Variants in AHR observed in about 807,000 individuals in gnomAD.
The protein encoded by AHR is AH-receptor.
Under a neutral mutation model 86.8 loss-of-function variants are expected in AHR, and 40 were observed. The observed-to-expected ratio is 0.46, with a 90% CI of 0.36 to 0.60. The LOEUF is 0.60. Ranked by LOEUF, AHR falls within the 20% of genes least tolerant of loss-of-function variation. The probability of loss-of-function intolerance (pLI) is 0.00; values close to 1 mark genes in which losing one functional copy is unlikely to be tolerated. For synonymous variants in AHR, 398 were observed against 354.9 expected (o/e 1.12, Z -1.37); for missense variants, 1,001 against 1,011.6 (o/e 0.99, Z 0.14).
At chr7:17,326,424 T>A (rs1048661625) in intron 3 of AHR, among the ~76,000 whole-genome samples, 10 of 152,186 alleles carry the variant, frequency 6.6e-5, no homozygotes, top group African/African-American at 2.4e-4. Context: ...TTGTTAACTC[T>A]TAAATCCCAG....
chr7:17,333,173 A>G (rs1782318486), intron 6 of AHR, among the ~76,000 whole-genome samples: 1 of 151,932 alleles, frequency 6.6e-6, no homozygotes, highest in Non-Finnish European at 1.5e-5. Context: ...GAAATTGCCT[A>G]AGGACACATT....
In AHR at chr7:17,344,835, G is replaced by T. The variant is rs2115373103; in HGVS notation, c.*1771G>T. ...AGTAGAAACGGGTTTCACCATGTTG[G>T]CCAGACTGGTCTCAAACTCCTGACC... On this transcript the variant is annotated 3_prime_UTR_variant, in exon 11 of 11. Transcript: ENST00000242057. 6.6e-6 allele frequency: 1 copy of T among 151,518 alleles called. No homozygotes were observed. Among genetic ancestry groups the T allele is most frequent in the African/African-American group, 2.4e-5 (1 of 41,376 alleles). 9.4% of individuals were successfully genotyped at this position (151,518 alleles called of 1,614,324 possible).
At chr7:17,335,536 G>A in intron 8 of AHR, 109 bp from the exon 9 acceptor site, 5 of 866,876 alleles carry the variant, frequency 5.8e-6, no homozygotes, top group Middle Eastern at 3.6e-4. Flanking sequence ...TTGTCTTTGG[G>A]GATAAAGGAA....
In AHR at chr7:17,330,802, G is replaced by C. The variant is rs970407246; in HGVS notation, c.621G>C (p.Gln207His). 3 of 1,612,298 alleles carry C rather than the reference G, an allele frequency of 1.9e-6. No individual in the cohort carries two copies. In the South Asian group the frequency reaches 3.3e-5, roughly 18 times the overall value. The part of the protein sequence containing the change: ...PQTVVCYNPD[Q>H]IPPENSPLME... ...CAGTAGTCTGTTATAACCCAGACCA[G>C]ATTCCTCCAGAAAACTCTCCTTTAA... The change falls in exon 6 of 11, where the codon CAG becomes CAC. Residue 207 changes from glutamine (Q) to histidine (H), a missense_variant. Coordinates refer to ENST00000242057, the MANE Select transcript of AHR (RefSeq NM_001621.5).
Position 17,330,023 on chromosome 7 carries a change from A to G in AHR, c.522A>G (p.Leu174=). ...ACCGAGCTGAATTTCAGCGTCAGCT[A>G]CACTGGGCATTAAATCCTTCTCAGT... ...TEDRAEFQRQ[L]HWALNPSQCT... is the part of the protein sequence containing the mutation. The change falls in exon 5 of 11, where the codon CTA becomes CTG. Residue 174 remains leucine (L), a synonymous_variant. Coordinates refer to ENST00000242057, the MANE Select transcript of AHR (RefSeq NM_001621.5). 6.2e-7 allele frequency: 1 copy of G among 1,611,530 alleles called. No homozygotes were observed.
At chr7:17,334,843 A>C (rs1391989736) in intron 7 of AHR, 44 bp from the exon 8 acceptor site, 1 of 1,358,058 alleles carries the variant, frequency 7.4e-7, no homozygotes, top group South Asian at 1.3e-5. Flanking sequence ...CATTTATGTT[A>C]AATCTTAATC....
chr7:17,321,237 C>G (rs1782169051), intron 2 of AHR, among the ~76,000 whole-genome samples: 1 of 152,018 alleles, frequency 6.6e-6, no homozygotes, highest in African/African-American at 2.4e-5. Flanking sequence ...AATCCATAAG[C>G]TCTGAGAAAT....
Position 17,323,773 on chromosome 7 carries a change from A to G in AHR, c.360+1166A>G, listed in dbSNP as rs192753791. ...AAAATTAACTTATGTTAAACAAAGTAAATCTATTAAAGCATGAGTCCTCCC... is the reference window on the plus strand; with the variant it reads ...AAAATTAACTTATGTTAAACAAAGTGAATCTATTAAAGCATGAGTCCTCCC... On this transcript the variant is annotated intron_variant, in intron 3 of 10. Transcript: ENST00000242057. 5.3e-3 allele frequency among the ~76,000 whole-genome samples: 813 copies of G among 152,354 alleles called. 9 individuals carry two copies. Among genetic ancestry groups the G allele is most frequent in the Middle Eastern group, 0.027 (8 of 292 alleles).
chr7:17,332,939 G>A (rs1293601278), intron 6 of AHR, among the ~76,000 whole-genome samples: 1 of 151,706 alleles, frequency 6.6e-6, no homozygotes, highest in Non-Finnish European at 1.5e-5. Context: ...TCTTATACAG[G>A]TATACCATTT....
In AHR at chr7:17,339,983, C is replaced by A; in HGVS notation, c.2158C>A (p.Pro720Thr). Residue 720 changes from proline (P) to threonine (T), a missense_variant, in exon 10 of 11, where the codon CCT (proline) becomes ACT (threonine). This residue lies in a region of AHR where 607 missense variants were observed against 543.1 expected (regional missense o/e 1.12). Coordinates refer to ENST00000242057, the MANE Select transcript of AHR (RefSeq NM_001621.5). ...TTCCAAATGTACAGAGCTGGACTAC[C>A]CTATGGGGAGTTTTGAACCATCCCC... is the stretch of plus-strand genomic sequence containing the variant. ...QHSKCTELDY[P>T]MGSFEPSPYP... The A allele has an allele frequency of 6.2e-7, 1 of 1,614,168 alleles. No individual in the cohort carries two copies.
At chr7:17,335,131 A>G (rs899597756) in intron 8 of AHR, 135 bp downstream of exon 8, 1 of 566,518 alleles carries the variant, frequency 1.8e-6, no homozygotes, top group Non-Finnish European at 3.1e-6. Context: ...TATCATTATG[A>G]TTAACCAGGG....
chr7:17,322,059 C>T (rs1199876114), intron 2 of AHR, among the ~76,000 whole-genome samples: 1 of 151,894 alleles, frequency 6.6e-6, no homozygotes, highest in Non-Finnish European at 1.5e-5. Flanking sequence ...TCCTCACCAC[C>T]ACCAGTTCCC....
chr7:17,314,095 A>G (rs1782092551), intron 2 of AHR, among the ~76,000 whole-genome samples: 1 of 152,120 alleles, frequency 6.6e-6, no homozygotes, highest in South Asian at 2.1e-4. Context: ...CAGCTGCCCC[A>G]AAATTGAGAA....
At chr7:17,341,692 T>TCCC (rs1721583832) in intron 10 of AHR, among the ~76,000 whole-genome samples, 1 of 152,176 alleles carries the variant, frequency 6.6e-6, no homozygotes, top group Non-Finnish European at 1.5e-5. Context: ...ATGTAAAATA[T>TCCC]CTCATCTTTT....
intron 3 of AHR, among the ~76,000 whole-genome samples, chr7:17,325,663 G>A (rs1782221068): frequency 6.6e-6 from 1 of 152,130 alleles, no homozygotes; most frequent in South Asian, 2.1e-4. Context: ...GGAGCCGGAG[G>A]CCATTATCCT....
chr7:17,313,634 CTAAT>C (rs1782088217), intron 2 of AHR, among the ~76,000 whole-genome samples: 1 of 152,052 alleles, frequency 6.6e-6, no homozygotes, highest in South Asian at 2.1e-4. Flanking sequence ...TTATCCATTT[CTAAT>C]TAATTAAAAC....
At position 17,309,943 on chromosome 7, in the gene AHR, C is replaced by T; in HGVS notation, c.73C>T (p.Pro25Ser). 1 of 1,574,500 alleles carries T rather than the reference C, an allele frequency of 6.4e-7. No homozygotes were observed. The highest frequency in any genetic ancestry group is 8.7e-7 in the Non-Finnish European group (1 of 1,152,140). ...RRKPVQKTVK[P>S]IPAEGIKSNP... ...ATTTTGTTTGTTTTTCAGAGTAAAGCCAATCCCAGCTGAAGGAATCAAGTC... is the reference window on the plus strand; with the variant it reads ...ATTTTGTTTGTTTTTCAGAGTAAAGTCAATCCCAGCTGAAGGAATCAAGTC... The change falls in exon 2 of 11, where the codon CCA becomes TCA. Residue 25 changes from proline to serine, a missense_variant. This residue lies in a region of AHR where 394 missense variants were observed against 468.5 expected (regional missense o/e 0.84). Transcript: ENST00000242057.
Position 17,310,078 on chromosome 7 carries a change from C to T in AHR, c.208C>T (p.Leu70Phe). The change falls in exon 2 of 11, where the codon CTT becomes TTT. Residue 70 changes from leucine to phenylalanine, a missense_variant. Leu to Phe is a conservative substitution (Grantham distance 22, BLOSUM62 0). Transcript: ENST00000242057. The part of the protein sequence containing the change: ...VINKLDKLSV[L>F]RLSVSYLRAK... Reference sequence around the variant, plus strand: ...TAATAAGTTGGACAAACTTTCAGTTCTTAGGCTCAGCGTCAGTTACCTGAG... The same window carrying T: ...TAATAAGTTGGACAAACTTTCAGTTTTTAGGCTCAGCGTCAGTTACCTGAG... 1 of 1,613,978 alleles carries T rather than the reference C, an allele frequency of 6.2e-7. No homozygotes were observed. The highest frequency in any genetic ancestry group is 8.5e-7 in the Non-Finnish European group (1 of 1,179,922).
At chr7:17,314,958 A>C (rs1318103085) in intron 2 of AHR, among the ~76,000 whole-genome samples, 1 of 152,046 alleles carries the variant, frequency 6.6e-6, no homozygotes, top group Non-Finnish European at 1.5e-5. Flanking sequence ...GTATTTGTTG[A>C]ATTTGATTTA....
Sources: allele counts gnomAD v4.1 joint callset (sites outside exome capture counted in the v4.1 genomes callset), GRCh38; gene constraint gnomAD v4.1.1; regional missense constraint gnomAD v4.1.1; transcripts MANE v1.5; gene names NCBI Gene and HGNC (gene_info 2026-07-23, HGNC 2026-07-21).